Variants in CDK14 observed in about 807,000 individuals in gnomAD.
The protein encoded by CDK14 is cyclin dependent kinase 14.
CDK14 carries 34 observed loss-of-function variants against 60.7 expected under a neutral mutation model. The ratio of observed to expected loss-of-function variants is 0.56; its 90% CI spans 0.43 to 0.75. The LOEUF (loss-of-function observed/expected upper bound fraction) is 0.75. Among genes scored for constraint, CDK14 ranks in the 30% least tolerant of loss-of-function variants. The pLI is 0.00. For synonymous variants in CDK14, 197 were observed against 203.7 expected, an observed-to-expected ratio of 0.97 and a Z score of 0.28; for missense variants, 482 against 564.1, an observed-to-expected ratio of 0.85 and a Z score of 1.47.
intron 12 of CDK14, among the ~76,000 whole-genome samples, chr7:91,104,309 G>C (rs1799225494): frequency 6.6e-6 from 1 of 152,050 alleles, no homozygotes; most frequent in Non-Finnish European, 1.5e-5. Context: ...CCTCACCATT[G>C]GCAGCAGCAT....
At chr7:90,952,672 T>A (rs1201884914) in intron 8 of CDK14, among the ~76,000 whole-genome samples, 1 of 152,208 alleles carries the variant, frequency 6.6e-6, no homozygotes, top group African/African-American at 2.4e-5. Flanking sequence ...TTTTGTCTTT[T>A]AAATCAAACT....
At chr7:91,117,073 C>A in intron 13 of CDK14, among the ~76,000 whole-genome samples, 1 of 146,560 alleles carries the variant, frequency 6.8e-6, no homozygotes, top group East Asian at 2.0e-4. Context: ...TCAACATTTC[C>A]ATTTGACCAT....
chr7:90,689,064 T>TC (rs1475078404), intron 2 of CDK14, among the ~76,000 whole-genome samples: 1 of 152,210 alleles, frequency 6.6e-6, no homozygotes, highest in Non-Finnish European at 1.5e-5. Flanking sequence ...TCCTCCACTG[T>TC]CAGTACCCTT....
intron 7 of CDK14, among the ~76,000 whole-genome samples, chr7:90,900,369 C>A (rs1024826159): frequency 2.0e-5 from 3 of 151,870 alleles, no homozygotes; most frequent in Admixed American, 2.0e-4. Flanking sequence ...TTTGACTGTT[C>A]ATTTTTCTTA....
At chr7:90,738,733 C>T (rs1008972214) in intron 3 of CDK14, among the ~76,000 whole-genome samples, 7 of 152,034 alleles carry the variant, frequency 4.6e-5, no homozygotes, top group African/African-American at 1.7e-4. Context: ...CTCATCCATC[C>T]ACACACCTGA....
chr7:90,761,705 T>C (rs755446139), intron 4 of CDK14, among the ~76,000 whole-genome samples: 45 of 152,324 alleles, frequency 3.0e-4, no homozygotes, highest in Middle Eastern at 3.4e-3. Flanking sequence ...CGGAATATCC[T>C]ATGAATGAAC....
chr7:91,118,046 C>T lies in CDK14; in HGVS notation c.1295-19C>T, dbSNP rs1584086431. On this transcript the variant is annotated intron_variant, in intron 13 of 14. Transcript: ENST00000380050. ...ATATCTATAACTATATAAATGAAAACTTCATATTCTGTCCACAGTGTCTTC... is the reference window on the plus strand; with the variant it reads ...ATATCTATAACTATATAAATGAAAATTTCATATTCTGTCCACAGTGTCTTC... The T allele has an allele frequency of 2.9e-6, 4 of 1,402,852 alleles. No individual in the cohort carries two copies. The highest frequency in any genetic ancestry group is 4.0e-6 in the Non-Finnish European group (4 of 998,664). 86.9% of individuals were successfully genotyped at this position (1,402,852 alleles called of 1,614,324 possible). A position where few individuals can be genotyped will look rare whatever the true frequency, so the allele number is the denominator to read the frequency against.
chr7:90,847,403 C>A (rs988532390), intron 5 of CDK14, among the ~76,000 whole-genome samples: 3 of 152,128 alleles, frequency 2.0e-5, no homozygotes, highest in Non-Finnish European at 4.4e-5. Flanking sequence ...TTATTAGCTA[C>A]ATTTATAATA....
chr7:90,778,294 A>G (rs1480290535), intron 4 of CDK14, among the ~76,000 whole-genome samples: 3 of 152,250 alleles, frequency 2.0e-5, no homozygotes, highest in African/African-American at 7.2e-5. Flanking sequence ...ATCAGGAAGT[A>G]ATGGAGTCAT....
Position 90,726,729 on chromosome 7 carries a change from G to A in CDK14, c.286G>A (p.Glu96Lys), listed in dbSNP as rs1249775566. ...PANQVKRVHS[E>K]NNACINFKTS... ...TAATCAAGTAAAGAGGGTGCATTCT[G>A]AGAACAATGCTTGCATTAACTTTAA... Residue 96 changes from glutamate to lysine, a missense_variant, in exon 3 of 15, where the codon GAG becomes AAG. Glu to Lys is a moderately conservative substitution (Grantham distance 56). Coordinates refer to ENST00000380050, the MANE Select transcript of CDK14 (RefSeq NM_001287135.2). 3 of 1,613,748 alleles carry A rather than the reference G, an allele frequency of 1.9e-6. No homozygotes were observed. The African/African-American group carries it at 4.0e-5, about 22-fold the overall frequency.
intron 9 of CDK14, among the ~76,000 whole-genome samples, chr7:90,970,695 C>G (rs1794899257): frequency 6.6e-6 from 1 of 152,140 alleles, no homozygotes; most frequent in South Asian, 2.1e-4. Flanking sequence ...TTTTAGCATT[C>G]AAGTAAATTG....
At chr7:90,771,948 T>G (rs1804800066) in intron 4 of CDK14, among the ~76,000 whole-genome samples, 1 of 152,230 alleles carries the variant, frequency 6.6e-6, no homozygotes, top group South Asian at 2.1e-4. Context: ...TTAATAAATG[T>G]TACCTGTGTA....
intron 14 of CDK14, among the ~76,000 whole-genome samples, chr7:91,179,001 T>C (rs1801887642): frequency 6.6e-6 from 1 of 152,204 alleles, no homozygotes; most frequent in African/African-American, 2.4e-5. Context: ...TAAAGACACA[T>C]GCACACATCT....
chr7:90,846,911 T>C (rs1158581463), intron 5 of CDK14, among the ~76,000 whole-genome samples: 1 of 152,174 alleles, frequency 6.6e-6, no homozygotes, highest in East Asian at 1.9e-4. Context: ...GCTTTCTGGT[T>C]GGTCCAGTCC....
chr7:90,971,801 A>G (rs1794942285), intron 9 of CDK14, among the ~76,000 whole-genome samples: 1 of 152,192 alleles, frequency 6.6e-6, no homozygotes, highest in African/African-American at 2.4e-5. Context: ...ATGAACAAAA[A>G]TTATCATTGG....
chr7:91,036,628 A>T (rs1796942392), intron 10 of CDK14, among the ~76,000 whole-genome samples: 1 of 152,112 alleles, frequency 6.6e-6, no homozygotes, highest in Non-Finnish European at 1.5e-5. Context: ...TTTATGTTTC[A>T]CTTCCACTTA....
intron 6 of CDK14, among the ~76,000 whole-genome samples, chr7:90,878,739 G>GTA (rs1791645919): frequency 6.6e-6 from 1 of 152,124 alleles, no homozygotes; most frequent in Admixed American, 6.5e-5. Context: ...AGTTAGTGTA[G>GTA]TATAGCAAGA....
At chr7:90,825,827 T>C (rs184211022) in intron 5 of CDK14, among the ~76,000 whole-genome samples, 3 of 152,336 alleles carry the variant, frequency 2.0e-5, no homozygotes, top group Admixed American at 2.0e-4. Flanking sequence ...TTAAAACTTT[T>C]ATTACTCATG....
chr7:90,649,733 A>G (rs987476003), intron 2 of CDK14, among the ~76,000 whole-genome samples: 3 of 151,808 alleles, frequency 2.0e-5, no homozygotes, highest in Non-Finnish European at 4.4e-5. Flanking sequence ...TCCTTGTGGT[A>G]GTTTGCTGAG....
Sources: gnomAD v4.1 joint callset for allele counts (sites outside exome capture counted in the v4.1 genomes callset) on GRCh38, gnomAD v4.1.1 for gene constraint, MANE v1.5 for transcripts, NCBI Gene and HGNC (gene_info 2026-07-23, HGNC 2026-07-21) for gene names.